INPP5A: variants seen among roughly 807,000 people sequenced by gnomAD.
The protein encoded by INPP5A is inositol polyphosphate-5-phosphatase A.
A neutral mutation model predicts 65.2 loss-of-function variants in INPP5A; 14 were observed. The ratio of observed to expected loss-of-function variants is 0.21; its 90% CI spans 0.14 to 0.34. The LOEUF is 0.34. INPP5A is among the 10% of genes least tolerant of loss of function. The pLI is 1.00. For missense variants in INPP5A, 431 were observed against 545.6 expected, an observed-to-expected ratio of 0.79 and a Z score of 2.09; for synonymous variants, 207 against 208.3, an observed-to-expected ratio of 0.99 and a Z score of 0.05.
chr10:132,770,326 C>G (rs1178406172), intron 12 of INPP5A, among the ~76,000 whole-genome samples: 2 of 152,254 alleles, frequency 1.3e-5, no homozygotes, highest in Admixed American at 1.3e-4. Context: ...CCTGTTGCAG[C>G]TTCCGGAATG....
intron 1 of INPP5A, among the ~76,000 whole-genome samples, chr10:132,596,933 A>ATGTGTGCG (rs1564929008): frequency 1.5e-4 from 1 of 6,762 alleles, no homozygotes; most frequent in Non-Finnish European, 6.8e-4. Context: ...GCGCATGTGC[A>ATGTGTGCG]CGCATGTGTG....
intron 4 of INPP5A, among the ~76,000 whole-genome samples, chr10:132,653,313 C>T (rs1198516793): frequency 1.3e-5 from 2 of 152,058 alleles, no homozygotes; most frequent in Admixed American, 6.6e-5. Flanking sequence ...TTCAGGCCCC[C>T]GAGGGCTGCG....
At chr10:132,750,719 C>G (rs1051057049) in intron 11 of INPP5A, among the ~76,000 whole-genome samples, 3 of 152,312 alleles carry the variant, frequency 2.0e-5, no homozygotes, top group African/African-American at 7.2e-5. Context: ...CACGTGATGC[C>G]GTGTGCAACG....
At chr10:132,642,829 A>T (rs1187368169) in intron 2 of INPP5A, among the ~76,000 whole-genome samples, 1 of 152,214 alleles carries the variant, frequency 6.6e-6, no homozygotes, top group African/African-American at 2.4e-5. Flanking sequence ...CCTGCCGATG[A>T]AGCGCAGTGG....
At chr10:132,655,773 G>A (rs1485217189) in intron 4 of INPP5A, among the ~76,000 whole-genome samples, 1 of 152,228 alleles carries the variant, frequency 6.6e-6, no homozygotes, top group East Asian at 1.9e-4. Flanking sequence ...CTTGCTTGGG[G>A]CCTGGTAGGA....
At chr10:132,610,982 A>G (rs1477898438) in intron 2 of INPP5A, among the ~76,000 whole-genome samples, 1 of 149,988 alleles carries the variant, frequency 6.7e-6, no homozygotes, top group Non-Finnish European at 1.5e-5. Flanking sequence ...AGTGCAGGGG[A>G]GAGAGGCCCT....
chr10:132,700,682 C>G (rs141914600), intron 6 of INPP5A, among the ~76,000 whole-genome samples: 155 of 152,324 alleles, frequency 1.0e-3, no homozygotes, highest in African/African-American at 3.5e-3. Context: ...CCCGACCTCT[C>G]GCTGTGTTTG....
chr10:132,672,395 G>C (rs2072902340), intron 4 of INPP5A, among the ~76,000 whole-genome samples: 1 of 152,180 alleles, frequency 6.6e-6, no homozygotes, highest in Non-Finnish European at 1.5e-5. Flanking sequence ...CATGTTATGG[G>C]AGGGACCCTG....
chr10:132,719,505 G>T (rs1318401707), intron 8 of INPP5A, among the ~76,000 whole-genome samples: 1 of 146,764 alleles, frequency 6.8e-6, no homozygotes, highest in Admixed American at 6.7e-5. Flanking sequence ...CCTGGGTTCT[G>T]TCTGGGCGCC....
chr10:132,736,819 C>T (rs1232587427), intron 9 of INPP5A, among the ~76,000 whole-genome samples: 2 of 152,254 alleles, frequency 1.3e-5, no homozygotes, highest in African/African-American at 2.4e-5. Flanking sequence ...TGGCCCCCCA[C>T]AGCCCCACAG....
At chr10:132,613,024 G>T (rs2133350141) in intron 2 of INPP5A, among the ~76,000 whole-genome samples, 1 of 152,302 alleles carries the variant, frequency 6.6e-6, no homozygotes, top group South Asian at 2.1e-4. Context: ...GGAGCAGGCG[G>T]CAAGACCCCA....
In INPP5A at chr10:132,782,715, T is replaced by C. The variant is rs956181116; in HGVS notation, c.*686T>C. The C allele has an allele frequency of 2.0e-5, 3 of 152,312 alleles. No homozygotes were observed. The highest frequency in any genetic ancestry group is 2.1e-4 in the South Asian group (1 of 4,834). The allele number at this position is 152,312 out of a possible 1,614,324, so 9.4% of individuals were successfully genotyped here. On this transcript the variant is annotated 3_prime_UTR_variant, in exon 16 of 16. Transcript: ENST00000368594. The surrounding 1 kb of genome is among the most constrained non-coding windows in gnomAD (Gnocchi z 4.4). ...AGGAGAGTCCCATCAGCAGGCGGCA[T>C]TGGAGTCTAGGAGCTCAGCTGTGTG...
chr10:132,770,292 A>G (rs1323448730), intron 12 of INPP5A, among the ~76,000 whole-genome samples: 2 of 152,212 alleles, frequency 1.3e-5, no homozygotes, highest in Non-Finnish European at 2.9e-5. Context: ...AAGTCACCGC[A>G]GTGTCGCCGG....
At chr10:132,619,566 C>T (rs1486183764) in intron 2 of INPP5A, among the ~76,000 whole-genome samples, 1 of 152,206 alleles carries the variant, frequency 6.6e-6, no homozygotes, top group East Asian at 1.9e-4. Flanking sequence ...ATGCAGTGCA[C>T]TGCTGGGGAC....
intron 4 of INPP5A, among the ~76,000 whole-genome samples, chr10:132,660,993 G>T (rs947403359): frequency 6.6e-6 from 1 of 152,182 alleles, no homozygotes; most frequent in Admixed American, 6.5e-5. Flanking sequence ...AAACCCAGGA[G>T]GGAGGAAAAC....
At chr10:132,572,166 A>G (rs1327897707) in intron 1 of INPP5A, among the ~76,000 whole-genome samples, 1 of 152,234 alleles carries the variant, frequency 6.6e-6, no homozygotes, top group African/African-American at 2.4e-5. Context: ...CCCACAGGGT[A>G]TTGGCCCAGG....
At position 132,616,065 on chromosome 10, in the gene INPP5A, G is replaced by A. The variant is rs1349225667; in HGVS notation, c.117+8109G>A. On this transcript the variant is annotated intron_variant, in intron 2 of 15. Coordinates refer to ENST00000368594, the MANE Select transcript of INPP5A (RefSeq NM_005539.5). This position sits in a 1 kb window ranked among gnomAD's most constrained non-coding sequence, Gnocchi z 4.9. ...GGTCCTGTGGGGAGCGGTGAGGGAT[G>A]GTCGTGTGCGTCGTTTTAGGAGCAT... Among the ~76,000 whole-genome samples, 1 of 152,182 alleles carries A rather than the reference G, an allele frequency of 6.6e-6. No homozygotes were observed. Among genetic ancestry groups the A allele is most frequent in the African/African-American group, 2.4e-5 (1 of 41,448 alleles).
intron 4 of INPP5A, among the ~76,000 whole-genome samples, chr10:132,666,137 T>C (rs2072798759): frequency 6.6e-6 from 1 of 150,570 alleles, no homozygotes; most frequent in African/African-American, 2.4e-5. Context: ...ACTGTGTGCC[T>C]GGCCTTTACT....
chr10:132,694,212 A>G (rs1845311692), intron 5 of INPP5A, among the ~76,000 whole-genome samples: 1 of 152,250 alleles, frequency 6.6e-6, no homozygotes, highest in Admixed American at 6.5e-5. Context: ...ACCAGAAATC[A>G]GCACCAGAAA....
Sources: gnomAD v4.1 joint callset for allele counts (sites outside exome capture counted in the v4.1 genomes callset) on GRCh38, gnomAD v4.1.1 for gene constraint, Gnocchi (gnomAD v3.1) non-coding constraint, MANE v1.5 for transcripts, NCBI Gene and HGNC (gene_info 2026-07-23, HGNC 2026-07-21) for gene names.